Variants in WDR75 observed in about 807,000 individuals in gnomAD.
WDR75 encodes the protein WD repeat-containing protein 75.
A neutral mutation model predicts 106.1 loss-of-function variants in WDR75; 52 were observed. The observed-to-expected ratio is 0.49, with a 90% CI of 0.39 to 0.62. The LOEUF is 0.62. Ranked by LOEUF, WDR75 falls within the 20% of genes least tolerant of loss-of-function variation. The pLI is 0.00. For missense variants in WDR75, 905 were observed against 970.3 expected (o/e 0.93, Z 0.89); for synonymous variants, 333 against 335.5 (o/e 0.99, Z 0.08).
chr2:189,453,571 G>A (rs1250089458), intron 4 of WDR75, among the ~76,000 whole-genome samples: 1 of 152,120 alleles, frequency 6.6e-6, no homozygotes, highest in Admixed American at 6.5e-5. Flanking sequence ...GATGGAAAAC[G>A]ACTGATCTAA....
intron 5 of WDR75, chr2:189,455,717 TTAA>T (rs1686721644): frequency 4.4e-6 from 1 of 224,860 alleles, no homozygotes; most frequent in African/African-American, 2.3e-5. Flanking sequence ...TGTTAATTAA[TTAA>T]TGTTTATAAT....
At chr2:189,442,439 A>ATTTTT (rs1553484498) in intron 1 of WDR75, among the ~76,000 whole-genome samples, 11 of 56,898 alleles carry the variant, frequency 1.9e-4, no homozygotes, top group South Asian at 5.8e-4. Flanking sequence ...CCTCCACAAT[A>ATTTTT]TTCTTTTTTT....
intron 8 of WDR75, 59 bp downstream of exon 8, chr2:189,459,483 T>G: frequency 6.8e-7 from 1 of 1,463,966 alleles, no homozygotes; most frequent in Non-Finnish European, 9.5e-7. Context: ...AGTGTTTTAA[T>G]TCACTGTATT....
At chr2:189,460,908 G>A (rs975391082) in intron 8 of WDR75, among the ~76,000 whole-genome samples, 1 of 152,188 alleles carries the variant, frequency 6.6e-6, no homozygotes, top group East Asian at 1.9e-4. Flanking sequence ...CTTACTGACT[G>A]TGTGGGTATG....
intron 2 of WDR75, 59 bp downstream of exon 2, chr2:189,448,567 T>C (rs1686549162): frequency 6.3e-7 from 1 of 1,575,832 alleles, no homozygotes; most frequent in Admixed American, 1.9e-5. Flanking sequence ...ACAGAAAAAT[T>C]TGAGTTGAAT....
chr2:189,451,359 A>C (rs942738410), intron 3 of WDR75, among the ~76,000 whole-genome samples: 2 of 152,230 alleles, frequency 1.3e-5, no homozygotes, highest in Non-Finnish European at 2.9e-5. Flanking sequence ...AAATGACACA[A>C]TATTTCCCCT....
At chr2:189,457,216 G>A in intron 5 of WDR75, 95 bp from the exon 6 acceptor site, 2 of 814,898 alleles carry the variant, frequency 2.5e-6, no homozygotes, top group Non-Finnish European at 4.0e-6. Context: ...ATTCCAGCCT[G>A]GGGGACAAGA....
At chr2:189,448,626 A>C in intron 2 of WDR75, 118 bp downstream of exon 2, 1 of 1,342,174 alleles carries the variant, frequency 7.5e-7, no homozygotes. Context: ...GCTTATTTTC[A>C]GTTGTAGGGT....
intron 4 of WDR75, among the ~76,000 whole-genome samples, chr2:189,454,713 CAG>C (rs1686697379): frequency 6.6e-6 from 1 of 151,884 alleles, no homozygotes; most frequent in Admixed American, 6.6e-5. Flanking sequence ...TTAGTAGAGA[CAG>C]GGTTTCACCG....
At chr2:189,450,665 A>G in intron 2 of WDR75, 3 of 1,325,350 alleles carry the variant, frequency 2.3e-6, no homozygotes, top group Non-Finnish European at 1.9e-6. Context: ...TTCAAGACAG[A>G]AAGTTGGCTT....
At chr2:189,465,922 G>A (rs13388366) in intron 12 of WDR75, among the ~76,000 whole-genome samples, 9,874 of 152,136 alleles carry the variant, frequency 0.065, 501 homozygotes, top group African/African-American at 0.14. Flanking sequence ...CATTCACAGC[G>A]TTGCCCTCTA....
At chr2:189,442,849 A>C (rs1294236832) in intron 1 of WDR75, among the ~76,000 whole-genome samples, 1 of 152,218 alleles carries the variant, frequency 6.6e-6, no homozygotes, top group African/African-American at 2.4e-5. Flanking sequence ...AAGCCAAAAA[A>C]AAATGAGTCC....
In WDR75 at chr2:189,469,369, TAG is replaced by T; in HGVS notation, c.1752_1753del (p.Arg584SerfsTer7). ...ALEWNAKLNV[R>X]VMEPDPNSEN... is the part of the protein sequence containing the mutation. ...TGGAGTGGAATGCAAAATTAAATGT[TAG>T]AGTTATGGAACCCGATCCTAATTCA... On this transcript the variant is annotated frameshift_variant, in exon 16 of 21. Transcript: ENST00000314761. LOFTEE classifies it high-confidence loss of function. 6.2e-7 allele frequency: 1 copy of T among 1,613,526 alleles called. No individual in the cohort carries two copies. Among genetic ancestry groups the T allele is most frequent in the Non-Finnish European group, 8.5e-7 (1 of 1,179,552 alleles).
chr2:189,452,383 C>T (rs1282815671), intron 4 of WDR75, among the ~76,000 whole-genome samples: 3 of 152,026 alleles, frequency 2.0e-5, no homozygotes, highest in African/African-American at 4.8e-5. Flanking sequence ...CACGGTGAAA[C>T]CCCGTCTCTA....
chr2:189,462,307 C>G lies in WDR75; in HGVS notation c.779-177C>G, dbSNP rs190339438. Among the ~76,000 whole-genome samples, 540 of 152,168 alleles carry G rather than the reference C, an allele frequency of 3.5e-3. 4 individuals are homozygous for G. Among genetic ancestry groups the G allele is most frequent in the African/African-American group, 0.011 (458 of 41,514 alleles). On this transcript the variant is annotated intron_variant, in intron 8 of 20. Coordinates refer to ENST00000314761, the MANE Select transcript of WDR75 (RefSeq NM_032168.3). ...ATCAGATATCACTGGAAAAAAAATT[C>G]CTGAACCAGTGATCATTTGTCTTCA...
rs1204877042 is a variant in WDR75, at chr2:189,457,328, A to G, written c.516A>G (p.Ala172=). 2.5e-6 allele frequency: 4 copies of G among 1,604,660 alleles called. No individual in the cohort carries two copies. The highest frequency in any genetic ancestry group is 3.4e-6 in the Non-Finnish European group (4 of 1,172,674). Residue 172 remains alanine (A), a synonymous_variant, in exon 6 of 21, where the codon GCA becomes GCG. Coordinates refer to ENST00000314761, the MANE Select transcript of WDR75 (RefSeq NM_032168.3). ...AATACTAGGGAGTATATGTTGCTGC[A>G]GTACGGGAATTTTACTTGTCTGTTT... is the stretch of plus-strand genomic sequence containing the variant. ...AFGNEGVYVA[A]VREFYLSVYF...
intron 5 of WDR75, among the ~76,000 whole-genome samples, chr2:189,455,924 G>A (rs1371375737): frequency 1.3e-5 from 2 of 151,942 alleles, no homozygotes; most frequent in Admixed American, 6.6e-5. Context: ...TGCAGCATGT[G>A]TGTATACTAA....
chr2:189,471,011 A>G (rs1014305634), intron 18 of WDR75, 133 bp downstream of exon 18: 7 of 459,224 alleles, frequency 1.5e-5, no homozygotes, highest in Admixed American at 1.3e-4. Flanking sequence ...TTATAAACTG[A>G]TATGTGTCTC....
Position 189,463,912 on chromosome 2 carries a change from C to T in WDR75, c.1064C>T (p.Pro355Leu). 3 of 1,613,872 alleles carry T rather than the reference C, an allele frequency of 1.9e-6. No homozygotes were observed. Among genetic ancestry groups the T allele is most frequent in the Non-Finnish European group, 2.5e-6 (3 of 1,179,824 alleles). The stretch of plus-strand genomic sequence containing the variant: ...AAAGCTTTGGTTTTGAATGGAAAAC[C>T]TGGCCACCTGCAGTTTTATTCTCTC... The part of the protein sequence containing the change: ...RTKALVLNGK[P>L]GHLQFYSLQS... Residue 355 changes from proline to leucine, a missense_variant, in exon 11 of 21, where the codon CCT (proline) becomes CTT (leucine). By Grantham distance (98) the Pro-to-Leu change is moderately conservative. Transcript: ENST00000314761.
Sources: allele counts gnomAD v4.1 joint callset (sites outside exome capture counted in the v4.1 genomes callset), GRCh38; gene constraint gnomAD v4.1.1; transcripts MANE v1.5; gene names NCBI Gene and HGNC (gene_info 2026-07-23, HGNC 2026-07-21).